Variants in TP63 observed in about 807,000 individuals in gnomAD.
The protein encoded by TP63 is tumor protein 63.
TP63 carries 17 observed loss-of-function variants against 82.8 expected under a neutral mutation model. The observed-to-expected ratio is 0.21, with a 90% CI of 0.14 to 0.31. The LOEUF is 0.31. TP63 is among the 10% of genes least tolerant of loss of function. TP63 has a pLI of 1.00. For missense variants in TP63, 648 were observed against 895.3 expected (o/e 0.72, Z 3.52); for synonymous variants, 330 against 321.7 (o/e 1.03, Z -0.28).
intron 3 of TP63, among the ~76,000 whole-genome samples, chr3:189,793,969 A>G (rs1725432590): frequency 6.6e-6 from 1 of 152,072 alleles, no homozygotes; most frequent in Admixed American, 6.6e-5. Flanking sequence ...GCATGGATTC[A>G]AGTGTCAAGG....
chr3:189,744,960 C>T (rs1436485105), intron 3 of TP63, among the ~76,000 whole-genome samples: 1 of 152,232 alleles, frequency 6.6e-6, no homozygotes, highest in Non-Finnish European at 1.5e-5. Flanking sequence ...ACAGCCTCCA[C>T]TAACAACCAC....
In TP63 at chr3:189,790,007, A is replaced by AT. The variant is rs557500463; in HGVS notation, c.325-18252dup. On this transcript the variant is annotated intron_variant, in intron 3 of 13. Transcript: ENST00000264731. ...TAATGTTTTCTGTGGTGGCTGTAAG[A>AT]TTTTTTTTTTTTTATTAAGTAGGAG... Among the ~76,000 whole-genome samples the AT allele has an allele frequency of 7.1e-3, 1,036 of 145,722 alleles. 3 individuals are homozygous for AT. The highest frequency in any genetic ancestry group is 9.8e-3 in the Non-Finnish European group (642 of 65,830).
chr3:189,808,356 G>C lies in TP63; in HGVS notation c.409G>C (p.Asp137His), dbSNP rs762935508. 6.2e-7 allele frequency: 1 copy of C among 1,614,102 alleles called. No individual in the cohort carries two copies. Among genetic ancestry groups the C allele is most frequent in the Non-Finnish European group, 8.5e-7 (1 of 1,180,054 alleles). ...GSSSTSPYNT[D>H]HAQNSVTAPS... ...CTCGTCCACCAGTCCCTATAACACA[G>C]ACCACGCGCAGAACAGCGTCACGGC... The change falls in exon 4 of 14, where the codon GAC becomes CAC. Residue 137 changes from aspartate (D) to histidine (H), a missense_variant. Asp to His is a moderately conservative substitution (Grantham distance 81). Coordinates refer to ENST00000264731, the MANE Select transcript of TP63 (RefSeq NM_003722.5).
chr3:189,598,575 C>A, the TP63 span, among the ~76,000 whole-genome samples: 2 of 152,112 alleles, frequency 1.3e-5, no homozygotes, highest in Admixed American at 1.3e-4. Context: ...AATATACATA[C>A]AAGCTTATTT....
chr3:189,801,699 G>A (rs1726322286), intron 3 of TP63, among the ~76,000 whole-genome samples: 2 of 152,054 alleles, frequency 1.3e-5, no homozygotes, highest in African/African-American at 4.8e-5. Context: ...TGCCGTTGGG[G>A]CTTCTAGAGC....
intron 10 of TP63, among the ~76,000 whole-genome samples, chr3:189,878,970 C>T (rs1274500758): frequency 1.3e-5 from 2 of 151,216 alleles, no homozygotes; most frequent in South Asian, 4.2e-4. Context: ...GTTTTCAGGG[C>T]AGAGATTTAT....
chr3:189,652,602 A>T (rs1356467547), intron 1 of TP63, among the ~76,000 whole-genome samples: 1 of 146,546 alleles, frequency 6.8e-6, no homozygotes, highest in Non-Finnish European at 1.5e-5. Context: ...AAAAGTCATG[A>T]TTGTGTTTTG....
chr3:189,625,243 G>T, the TP63 span, among the ~76,000 whole-genome samples: 1 of 152,096 alleles, frequency 6.6e-6, no homozygotes, highest in Non-Finnish European at 1.5e-5. Context: ...AGAAGGCCTG[G>T]GGAAAACCTG....
intron 1 of TP63, among the ~76,000 whole-genome samples, chr3:189,639,825 A>G (rs1328158988): frequency 1.3e-5 from 2 of 152,164 alleles, no homozygotes; most frequent in East Asian, 1.9e-4. Flanking sequence ...GGAATAAATA[A>G]TAGAACATAT....
chr3:189,809,908 A>C, intron 4 of TP63, among the ~76,000 whole-genome samples: 1 of 152,226 alleles, frequency 6.6e-6, no homozygotes, highest in East Asian at 1.9e-4. Flanking sequence ...AAACTTACAG[A>C]AACTTGTGTG....
intron 10 of TP63, chr3:189,881,212 G>T: frequency 2.0e-6 from 2 of 985,360 alleles, no homozygotes; most frequent in Non-Finnish European, 2.4e-6. Context: ...CCAAGCAGAC[G>T]TGTTAAAATC....
intron 1 of TP63, among the ~76,000 whole-genome samples, chr3:189,704,061 C>G (rs1049936697): frequency 2.0e-5 from 3 of 152,234 alleles, no homozygotes; most frequent in African/African-American, 4.8e-5. Context: ...CACATTTGGA[C>G]AACTAGGCCA....
At chr3:189,711,973 G>T (rs1351748166) in intron 1 of TP63, among the ~76,000 whole-genome samples, 1 of 152,120 alleles carries the variant, frequency 6.6e-6, no homozygotes, top group Non-Finnish European at 1.5e-5. Flanking sequence ...GAAGAAGTGT[G>T]GAGGCCACTT....
chr3:189,706,478 A>T (rs189037053), intron 1 of TP63, among the ~76,000 whole-genome samples: 4 of 152,184 alleles, frequency 2.6e-5, no homozygotes, highest in South Asian at 2.1e-4. Context: ...CTGGTCTCGA[A>T]CACCTGACCT....
At chr3:189,770,695 G>A (rs762378724) in intron 3 of TP63, among the ~76,000 whole-genome samples, 16 of 152,086 alleles carry the variant, frequency 1.1e-4, no homozygotes, top group Non-Finnish European at 1.6e-4. Flanking sequence ...TCATTTTAAA[G>A]AACATTTTTC....
At chr3:189,847,763 G>T (rs1161553475) in intron 4 of TP63, among the ~76,000 whole-genome samples, 1 of 152,154 alleles carries the variant, frequency 6.6e-6, no homozygotes, top group Non-Finnish European at 1.5e-5. Flanking sequence ...TTGTTTTTAT[G>T]TTCAAGCTCC....
At chr3:189,688,113 G>A (rs1716593202) in intron 1 of TP63, among the ~76,000 whole-genome samples, 1 of 152,118 alleles carries the variant, frequency 6.6e-6, no homozygotes, top group Admixed American at 6.5e-5. Flanking sequence ...TCAATACTTG[G>A]CTCCTTCAAA....
At chr3:189,871,639 T>G (rs539534025) in intron 9 of TP63, among the ~76,000 whole-genome samples, 1 of 152,314 alleles carries the variant, frequency 6.6e-6, no homozygotes, top group East Asian at 1.9e-4. Context: ...AAAATTTAAA[T>G]AGTCACTCAC....
intron 1 of TP63, among the ~76,000 whole-genome samples, chr3:189,692,296 C>G (rs1242707151): frequency 6.6e-6 from 1 of 151,784 alleles, no homozygotes; most frequent in East Asian, 2.0e-4. Context: ...TGTTTTCCTT[C>G]TTTTTTCTTT....
Sources: allele counts gnomAD v4.1 joint callset (sites outside exome capture counted in the v4.1 genomes callset), GRCh38; gene constraint gnomAD v4.1.1; transcripts MANE v1.5; gene names NCBI Gene and HGNC (gene_info 2026-07-23, HGNC 2026-07-21).